The following NIT1 variants were observed in gnomAD, a reference collection of about 807,000 sequenced individuals.
The protein encoded by NIT1 is deaminated glutathione amidase.
NIT1 carries 30 observed loss-of-function variants against 36.8 expected under a neutral mutation model. The ratio of observed to expected loss-of-function variants is 0.82; its 90% CI spans 0.61 to 1.11. NIT1 has a LOEUF of 1.11. NIT1 is among the 50% of genes least tolerant of loss of function. NIT1 has a pLI of 0.00. For synonymous variants in NIT1, 151 were observed against 155.6 expected, an observed-to-expected ratio of 0.97 and a Z score of 0.22; for missense variants, 438 against 410.6, an observed-to-expected ratio of 1.07 and a Z score of -0.58.
downstream of NIT1, chr1:161,123,950 T>G: frequency 6.2e-7 from 1 of 1,613,348 alleles, no homozygotes. Context: ...GGGCACACTG[T>G]AGGAGGAGAA....
downstream of NIT1, chr1:161,122,600 A>G: frequency 6.5e-7 from 1 of 1,530,754 alleles, no homozygotes; most frequent in East Asian, 2.3e-5. The surrounding 1 kb of genome is among the most constrained non-coding windows in gnomAD (Gnocchi z 4.2). Context: ...GAAAACTGAA[A>G]AGCACAACAG....
At chr1:161,119,764 G>C (rs768184017) in intron 4 of NIT1, 55 bp from the exon 5 acceptor site, 1 of 1,574,812 alleles carries the variant, frequency 6.3e-7, no homozygotes, top group Non-Finnish European at 8.6e-7. Context: ...TCCTTGGGAG[G>C]AGTAAGCAAG....
intron 2 of NIT1, 80 bp downstream of exon 2, chr1:161,118,961 G>C: frequency 7.4e-7 from 1 of 1,342,374 alleles, no homozygotes; most frequent in Non-Finnish European, 1.1e-6. Flanking sequence ...ACACAGGAGT[G>C]TCAACTATCC....
Position 161,118,139 on chromosome 1 carries a change from C to A in NIT1, c.-38C>A. 1 of 1,613,938 alleles carries A rather than the reference C, an allele frequency of 6.2e-7. No individual in the cohort carries two copies. The highest frequency in any genetic ancestry group is 8.5e-7 in the Non-Finnish European group (1 of 1,179,908). On this transcript the variant is annotated 5_prime_UTR_variant, in exon 1 of 7. Coordinates refer to ENST00000368009, the MANE Select transcript of NIT1 (RefSeq NM_005600.3). ...GGCGCTTCTGGCTCCAGACCGCCCT[C>A]CGGATCGGACCCTGCGAATGGTTTT...
chr1:161,121,224 A>G (rs1176785606), downstream of NIT1: 1 of 980,732 alleles, frequency 1.0e-6, no homozygotes, highest in African/African-American at 1.8e-5. Flanking sequence ...TCTCCCAAGC[A>G]TGGGAGTGGG....
At chr1:161,122,997 A>G (rs775880098), downstream of NIT1, 8 of 1,614,018 alleles carry the variant, frequency 5.0e-6, no homozygotes, top group South Asian at 7.7e-5. The surrounding 1 kb of genome is among the most constrained non-coding windows in gnomAD (Gnocchi z 4.2). Context: ...TGAATAGCAT[A>G]AACTGCCCAG....
At chr1:161,122,402 G>A, downstream of NIT1, 1 of 1,614,220 alleles carries the variant, frequency 6.2e-7, no homozygotes, top group Non-Finnish European at 8.5e-7. The surrounding 1 kb of genome is among the most constrained non-coding windows in gnomAD (Gnocchi z 4.2). Context: ...ACTTGAGGAT[G>A]GTGTTGGCCT....
chr1:161,119,310 C>G lies in NIT1; in HGVS notation c.275C>G (p.Ala92Gly), dbSNP rs1375642786. The change falls in exon 3 of 7, where the codon GCA becomes GGA. Residue 92 changes from alanine (A) to glycine (G), a missense_variant. Ala to Gly is a moderately conservative substitution (Grantham distance 60, BLOSUM62 0). Transcript: ENST00000368009. ...CTGCCTGAGGCATTTGACTTCATTGCACGGGACCCTGCAGAGACGCTACAC... is the reference window on the plus strand; with the variant it reads ...CTGCCTGAGGCATTTGACTTCATTGGACGGGACCCTGCAGAGACGCTACAC... ...AFLPEAFDFI[A>G]RDPAETLHLS... 6.2e-7 allele frequency: 1 copy of G among 1,614,210 alleles called. No homozygotes were observed. Among genetic ancestry groups the G allele is most frequent in the Middle Eastern group, 1.6e-4 (1 of 6,062 alleles).
At chr1:161,122,192 G>A (rs1156953484), downstream of NIT1, 3 of 1,614,020 alleles carry the variant, frequency 1.9e-6, no homozygotes, top group East Asian at 4.5e-5. The surrounding 1 kb of genome is among the most constrained non-coding windows in gnomAD (Gnocchi z 4.2). Context: ...GTTTCTGTCG[G>A]CCCAGCTCAT....
chr1:161,118,874 C>A lies in NIT1; in HGVS notation c.91C>A (p.Gln31Lys). The change falls in exon 2 of 7, where the codon CAG becomes AAG. Residue 31 changes from glutamine (Q) to lysine (K), a missense_variant. By Grantham distance (53) the Gln-to-Lys change is moderately conservative (BLOSUM62 1). Transcript: ENST00000368009. Reference sequence around the variant, plus strand: ...ACCTCAACTCTCAGTACTTTGTGCTCAGCCCAGGTAACACGTTTTGTTGTG... The same window carrying A: ...ACCTCAACTCTCAGTACTTTGTGCTAAGCCCAGGTAACACGTTTTGTTGTG... ...RIPQLSVLCA[Q>K]PRPRAMAISS... 1 of 1,612,662 alleles carries A rather than the reference C, an allele frequency of 6.2e-7. No individual in the cohort carries two copies. The highest frequency in any genetic ancestry group is 8.5e-7 in the Non-Finnish European group (1 of 1,178,654).
intron 4 of NIT1, 29 bp from the exon 5 acceptor site, chr1:161,119,790 G>C (rs778532462): frequency 6.3e-7 from 1 of 1,582,352 alleles, no homozygotes; most frequent in Non-Finnish European, 8.6e-7. Context: ...TAGAACACCA[G>C]CACTGATATT....
rs185780451 is a variant in NIT1 at position 161,118,149 on chromosome 1, C to G, written c.-28C>G. ...GCTCCAGACCGCCCTCCGGATCGGA[C>G]CCTGCGAATGGTTTTGGCTATATCT... On this transcript the variant is annotated 5_prime_UTR_variant, in exon 1 of 7. Transcript: ENST00000368009. 20 of 1,614,018 alleles carry G rather than the reference C, an allele frequency of 1.2e-5. No homozygotes were observed. The highest frequency in any genetic ancestry group is 8.8e-5 in the South Asian group (8 of 91,082).
chr1:161,118,821 T>C lies in NIT1; in HGVS notation c.38T>C (p.Leu13Pro). 6.2e-7 allele frequency: 1 copy of C among 1,614,114 alleles called. No individual in the cohort carries two copies. Among genetic ancestry groups the C allele is most frequent in the Non-Finnish European group, 8.5e-7 (1 of 1,179,916 alleles). Residue 13 changes from leucine to proline, a missense_variant, in exon 2 of 7, where the codon CTG becomes CCG. By Grantham distance (98) the Leu-to-Pro change is moderately conservative. Coordinates refer to ENST00000368009, the MANE Select transcript of NIT1 (RefSeq NM_005600.3). Reference sequence around the variant, plus strand: ...ATCACCAGGCCTCCTCACAGATTCCTGTCCCTTCTGTGTCCTGGACTCCGG... The same window carrying C: ...ATCACCAGGCCTCCTCACAGATTCCCGTCCCTTCTGTGTCCTGGACTCCGG... Reference protein sequence around the residue: ...GFITRPPHRFLSLLCPGLRIP... With the variant: ...GFITRPPHRFPSLLCPGLRIP...
chr1:161,118,843 C>T lies in NIT1; in HGVS notation c.60C>T (p.Leu20=). 4 of 1,614,134 alleles carry T rather than the reference C, an allele frequency of 2.5e-6. No individual in the cohort carries two copies. The highest frequency in any genetic ancestry group is 3.4e-6 in the Non-Finnish European group (4 of 1,179,990). ...TCCTGTCCCTTCTGTGTCCTGGACTCCGGATACCTCAACTCTCAGTACTTT... is the reference window on the plus strand; with the variant it reads ...TCCTGTCCCTTCTGTGTCCTGGACTTCGGATACCTCAACTCTCAGTACTTT... The part of the protein sequence containing the change: ...HRFLSLLCPG[L]RIPQLSVLCA... Residue 20 remains leucine, a synonymous_variant, in exon 2 of 7, where the codon CTC becomes CTT. Transcript: ENST00000368009.
intron 3 of NIT1, 41 bp downstream of exon 3, chr1:161,119,429 G>A: frequency 6.2e-7 from 1 of 1,613,406 alleles, no homozygotes; most frequent in South Asian, 1.1e-5. Context: ...ATCTTTGTTG[G>A]ACAGTGTCCC....
At chr1:161,124,548 C>T, downstream of NIT1, 3 of 1,520,014 alleles carry the variant, frequency 2.0e-6, no homozygotes, top group South Asian at 2.6e-5. Context: ...GGGAAAGAAC[C>T]GATGAGACAC....
chr1:161,124,383 T>C, downstream of NIT1: 1 of 1,614,090 alleles, frequency 6.2e-7, no homozygotes, highest in Non-Finnish European at 8.5e-7. Context: ...AAACATGCGG[T>C]GCAGGCTGTA....
chr1:161,118,920 G>C, intron 2 of NIT1, 39 bp downstream of exon 2: 1 of 1,497,562 alleles, frequency 6.7e-7, no homozygotes, highest in Non-Finnish European at 9.3e-7. Context: ...CTGGCACTTA[G>C]ATGCTCAGTT....
chr1:161,123,497 G>A (rs1203860272), downstream of NIT1, among the ~76,000 whole-genome samples: 2 of 152,002 alleles, frequency 1.3e-5, no homozygotes, highest in African/African-American at 4.8e-5. Flanking sequence ...TTAGCTGGGC[G>A]TGCTGGCGGG....
Sources: gnomAD v4.1 joint callset for allele counts (sites outside exome capture counted in the v4.1 genomes callset) on GRCh38, gnomAD v4.1.1 for gene constraint, Gnocchi (gnomAD v3.1) non-coding constraint, MANE v1.5 for transcripts, NCBI Gene and HGNC (gene_info 2026-07-23, HGNC 2026-07-21) for gene names.